ZNF804B: variants seen among roughly 807,000 people sequenced by gnomAD.
ZNF804B encodes the protein zinc finger 804B.
ZNF804B carries 80 observed loss-of-function variants against 101.4 expected under a neutral mutation model. The observed-to-expected ratio is 0.79, with a 90% CI of 0.66 to 0.95. ZNF804B has a LOEUF of 0.95. Among genes scored for constraint, ZNF804B ranks in the 40% least tolerant of loss-of-function variants. The pLI, the probability that ZNF804B is intolerant of heterozygous loss-of-function variation, is 0.00. For missense variants in ZNF804B, 1,673 were observed against 1,561.9 expected (o/e 1.07, Z -1.20); for synonymous variants, 622 against 558.8 (o/e 1.11, Z -1.59).
chr7:88,768,457 C>T (rs892043722), intron 1 of ZNF804B, among the ~76,000 whole-genome samples: 3 of 152,184 alleles, frequency 2.0e-5, no homozygotes, highest in African/African-American at 7.2e-5. Context: ...GTGGCTCACG[C>T]CTTTAATCCT....
intron 1 of ZNF804B, among the ~76,000 whole-genome samples, chr7:89,196,262 C>G (rs980550244): frequency 3.3e-5 from 5 of 152,004 alleles, no homozygotes; most frequent in African/African-American, 1.2e-4. Context: ...ACACTTAAAA[C>G]CATCTGATCT....
At chr7:89,270,858 C>T (rs1457047356) in intron 2 of ZNF804B, among the ~76,000 whole-genome samples, 2 of 152,102 alleles carry the variant, frequency 1.3e-5, no homozygotes, top group African/African-American at 2.4e-5. Context: ...CATGATTTGG[C>T]TCTCTGTTTG....
intron 1 of ZNF804B, among the ~76,000 whole-genome samples, chr7:88,980,222 T>G (rs1584051830): frequency 6.6e-6 from 1 of 152,050 alleles, no homozygotes; most frequent in African/African-American, 2.4e-5. Flanking sequence ...TTATGTTGAA[T>G]TTTGTTGAGC....
At chr7:89,239,586 T>G (rs1188416448) in intron 2 of ZNF804B, among the ~76,000 whole-genome samples, 2 of 152,134 alleles carry the variant, frequency 1.3e-5, no homozygotes, top group Non-Finnish European at 2.9e-5. Context: ...AATATAAAAT[T>G]AAGCTACTTA....
chr7:89,288,306 CA>C (rs1205224670), intron 2 of ZNF804B, among the ~76,000 whole-genome samples: 1 of 151,760 alleles, frequency 6.6e-6, no homozygotes. Context: ...TAAGGAGTTC[CA>C]GAAAGAAAGA....
intron 2 of ZNF804B, among the ~76,000 whole-genome samples, chr7:89,232,781 G>A (rs1789212989): frequency 6.6e-6 from 1 of 151,978 alleles, no homozygotes; most frequent in African/African-American, 2.4e-5. Flanking sequence ...CTAGCTAAAG[G>A]TTTATGAACA....
At chr7:88,851,164 G>A (rs1018744423) in intron 1 of ZNF804B, among the ~76,000 whole-genome samples, 2 of 152,094 alleles carry the variant, frequency 1.3e-5, no homozygotes, top group Admixed American at 6.6e-5. Context: ...ACAACTTCAG[G>A]TAGCCTAATA....
At chr7:89,280,194 T>A (rs1790067089) in intron 2 of ZNF804B, among the ~76,000 whole-genome samples, 2 of 152,062 alleles carry the variant, frequency 1.3e-5, no homozygotes, top group African/African-American at 4.8e-5. Context: ...GAAATAAAGA[T>A]GTTCTTTGAA....
intron 1 of ZNF804B, among the ~76,000 whole-genome samples, chr7:89,056,308 T>C (rs1194394743): frequency 2.0e-5 from 3 of 152,058 alleles, no homozygotes; most frequent in Non-Finnish European, 4.4e-5. Context: ...CAGGGGCACA[T>C]ACCCTGGTTG....
intron 1 of ZNF804B, among the ~76,000 whole-genome samples, chr7:88,930,036 C>T (rs970659613): frequency 6.6e-6 from 1 of 151,634 alleles, no homozygotes; most frequent in Non-Finnish European, 1.5e-5. Flanking sequence ...GTGGAGTGTC[C>T]ACATAGTCTT....
chr7:88,899,345 TA>T (rs1055594253), intron 1 of ZNF804B, among the ~76,000 whole-genome samples: 7 of 152,036 alleles, frequency 4.6e-5, no homozygotes, highest in East Asian at 3.9e-4. Flanking sequence ...CAAAATCCCA[TA>T]AAAAAAATCT....
intron 1 of ZNF804B, among the ~76,000 whole-genome samples, chr7:89,059,142 C>T (rs1404659218): frequency 3.3e-5 from 5 of 152,160 alleles, no homozygotes; most frequent in Middle Eastern, 3.4e-3. Context: ...ATCCTGAAAC[C>T]CAAATTCTGG....
chr7:89,301,009 G>C (rs1313559067), intron 2 of ZNF804B, among the ~76,000 whole-genome samples: 2 of 150,398 alleles, frequency 1.3e-5, no homozygotes, highest in African/African-American at 4.9e-5. Flanking sequence ...TAGGGGATGA[G>C]CTAAACAGAA....
rs1212051059 is a variant in ZNF804B at position 89,225,129 on chromosome 7, T to A, written c.249+6834T>A. On this transcript the variant is annotated intron_variant, in intron 2 of 3. Coordinates refer to ENST00000333190, the MANE Select transcript of ZNF804B (RefSeq NM_181646.5). ...CACCTCTTCAGTAGGACATTTCCCT[T>A]TTACCTTAAGTAGTCAGTTACCAAT... 3.9e-5 allele frequency among the ~76,000 whole-genome samples: 6 copies of A among 152,058 alleles called. No homozygotes were observed. The East Asian group carries it at 1.2e-3, about 29-fold the overall frequency.
intron 1 of ZNF804B, among the ~76,000 whole-genome samples, chr7:89,208,082 GTT>G (rs71526636): frequency 1.4e-5 from 2 of 142,234 alleles, no homozygotes. Context: ...ATTTTATTGG[GTT>G]TTTTTTTTTT....
intron 2 of ZNF804B, among the ~76,000 whole-genome samples, chr7:89,267,227 C>T (rs1486738235): frequency 6.6e-6 from 1 of 152,052 alleles, no homozygotes; most frequent in East Asian, 1.9e-4. Context: ...CTATATTTCC[C>T]ACCTGCTAGT....
intron 1 of ZNF804B, chr7:88,794,832 T>C (rs1179389111): frequency 1.2e-6 from 2 of 1,613,802 alleles, no homozygotes; most frequent in Admixed American, 1.7e-5. Context: ...GTAGTCGTTG[T>C]TTCTCTTCTT....
At chr7:89,239,463 C>T (rs1003730971) in intron 2 of ZNF804B, among the ~76,000 whole-genome samples, 10 of 152,106 alleles carry the variant, frequency 6.6e-5, no homozygotes, top group Non-Finnish European at 1.3e-4. Context: ...TTCATATGTC[C>T]TCAGAACAGC....
At chr7:88,794,530 A>T in intron 1 of ZNF804B, 1 of 1,613,682 alleles carries the variant, frequency 6.2e-7, no homozygotes, top group Non-Finnish European at 8.5e-7. Context: ...CCTCATTGGA[A>T]TGTTATGAGA....
Sources: allele counts gnomAD v4.1 joint callset (sites outside exome capture counted in the v4.1 genomes callset), GRCh38; gene constraint gnomAD v4.1.1; transcripts MANE v1.5; gene names NCBI Gene and HGNC (gene_info 2026-07-23, HGNC 2026-07-21).